FAM227B: variants seen among roughly 807,000 people sequenced by gnomAD.
FAM227B encodes the protein family with sequence similarity 227 member B.
In FAM227B, 88 loss-of-function variants were observed where a neutral mutation model predicts 73.8. The ratio of observed to expected loss-of-function variants is 1.19; its 90% CI spans 1.00 to 1.42. The LOEUF is 1.42. Among genes scored for constraint, FAM227B ranks in the 40% most tolerant of loss-of-function variants. The pLI, the probability that FAM227B is intolerant of heterozygous loss-of-function variation, is 0.00. For synonymous variants in FAM227B, 210 were observed against 190.5 expected, an observed-to-expected ratio of 1.10 and a Z score of -0.84; for missense variants, 632 against 590.9, an observed-to-expected ratio of 1.07 and a Z score of -0.72.
At position 49,508,367 on chromosome 15, in the gene FAM227B, T is replaced by C. The variant is rs1555512865; in HGVS notation, c.875-19A>G. On this transcript the variant is annotated intron_variant, in intron 10 of 15. Coordinates refer to ENST00000299338, the MANE Select transcript of FAM227B (RefSeq NM_152647.3). ...TTTAAACCTGTTAATATAAAATACA[T>C]ATTTAGCCAAATAAATTTGGATTTT... is the stretch of plus-strand genomic sequence containing the variant. 4.6e-6 allele frequency: 7 copies of C among 1,537,594 alleles called. No individual in the cohort carries two copies. The South Asian group carries it at 7.5e-5, about 16-fold the overall frequency.
Position 49,508,321 on chromosome 15 carries a change from A to G in FAM227B, c.902T>C (p.Ile301Thr), listed in dbSNP as rs2152114462. 6.2e-7 allele frequency: 1 copy of G among 1,604,144 alleles called. No individual in the cohort carries two copies. The highest frequency in any genetic ancestry group is 8.5e-7 in the Non-Finnish European group (1 of 1,176,772). Residue 301 changes from isoleucine to threonine, a missense_variant, in exon 11 of 16, where the codon ATC becomes ACC. Transcript: ENST00000299338. ...SGLKPQKGFW[I>T]HWKLKELSTT... ...GGAGAGTTCTTTCAGTTTCCAGTGGATCCAAAAGCCTTTTTGAGGTTTTAA... is the reference window on the plus strand; with the variant it reads ...GGAGAGTTCTTTCAGTTTCCAGTGGGTCCAAAAGCCTTTTTGAGGTTTTAA...
intron 11 of FAM227B, among the ~76,000 whole-genome samples, chr15:49,465,432 G>T (rs1460481754): frequency 1.3e-5 from 2 of 151,682 alleles, no homozygotes; most frequent in African/African-American, 4.8e-5. Context: ...CACCATGCCC[G>T]GCCTACTTCT....
At chr15:49,611,088 C>T in intron 3 of FAM227B, 127 bp downstream of exon 3, 1 of 573,622 alleles carries the variant, frequency 1.7e-6, no homozygotes, top group Non-Finnish European at 3.2e-6. Flanking sequence ...TATTTATATA[C>T]ACACTTTCCT....
At chr15:49,458,204 TC>T (rs1367969029) in intron 11 of FAM227B, among the ~76,000 whole-genome samples, 2 of 151,954 alleles carry the variant, frequency 1.3e-5, no homozygotes, top group East Asian at 3.8e-4. Context: ...TTTGAAGTGG[TC>T]CTCAAGTACC....
intron 10 of FAM227B, among the ~76,000 whole-genome samples, chr15:49,513,286 TA>T (rs2059145241): frequency 6.6e-6 from 1 of 152,202 alleles, no homozygotes; most frequent in Non-Finnish European, 1.5e-5. Context: ...GACTTTCTAA[TA>T]ACCACCATTC....
In FAM227B at chr15:49,508,311, T is replaced by C; in HGVS notation, c.912A>G (p.Lys304=). 1 of 1,608,504 alleles carries C rather than the reference T, an allele frequency of 6.2e-7. No homozygotes were observed. The highest frequency in any genetic ancestry group is 8.5e-7 in the Non-Finnish European group (1 of 1,178,010). The change falls in exon 11 of 16, where the codon AAA becomes AAG. Residue 304 remains lysine (K), a synonymous_variant. Coordinates refer to ENST00000299338, the MANE Select transcript of FAM227B (RefSeq NM_152647.3). ...KPQKGFWIHW[K]LKELSTTTIH... is the part of the protein sequence containing the mutation. ...TGGTGGTTGTGGAGAGTTCTTTCAG[T>C]TTCCAGTGGATCCAAAAGCCTTTTT...
At chr15:49,337,600 T>C (rs1567097089) in intron 13 of FAM227B, among the ~76,000 whole-genome samples, 3 of 145,628 alleles carry the variant, frequency 2.1e-5, no homozygotes, top group African/African-American at 7.6e-5. Context: ...TAGGTATACA[T>C]GTGCCATGGT....
chr15:49,329,025 T>A, intron 15 of FAM227B: 1 of 1,009,002 alleles, frequency 9.9e-7, no homozygotes, highest in Non-Finnish European at 1.2e-6. Flanking sequence ...TCACTCTTTT[T>A]CTACTACTTT....
intron 11 of FAM227B, among the ~76,000 whole-genome samples, chr15:49,416,332 G>T (rs888944456): frequency 2.0e-5 from 3 of 151,982 alleles, no homozygotes; most frequent in African/African-American, 7.2e-5. Flanking sequence ...AAGTAAGATT[G>T]GTTATATGGC....
rs80110211 is a variant in FAM227B, at chr15:49,328,962, T to C, written c.1420-287A>G. The C allele has an allele frequency of 3.7e-3, 4,058 of 1,082,184 alleles. 130 individuals carry two copies. In the African/African-American group the frequency reaches 0.062, roughly 16 times the overall value. 67.0% of individuals were successfully genotyped at this position (1,082,184 alleles called of 1,614,324 possible). A position where few individuals can be genotyped will look rare whatever the true frequency, so the allele number is the denominator to read the frequency against. On this transcript the variant is annotated intron_variant, in intron 15 of 15. Coordinates refer to ENST00000299338, the MANE Select transcript of FAM227B (RefSeq NM_152647.3). ...CTTCTATTCACATTGAAATAAAGAA[T>C]TATCTAGATGATAATTCAGATAATT...
At chr15:49,334,618 C>T (rs560625190) in intron 14 of FAM227B, among the ~76,000 whole-genome samples, 74 of 151,772 alleles carry the variant, frequency 4.9e-4, no homozygotes, top group Non-Finnish European at 9.6e-4. Context: ...CGTACACATG[C>T]GTCTGTGGGT....
chr15:49,340,865 T>G (rs1027908960), intron 13 of FAM227B, among the ~76,000 whole-genome samples: 1 of 152,194 alleles, frequency 6.6e-6, no homozygotes, highest in African/African-American at 2.4e-5. Context: ...TGGTGTTTTC[T>G]AGGTTTTCTT....
Position 49,579,584 on chromosome 15 carries a change from A to C in FAM227B, c.406-1920T>G, listed in dbSNP as rs114002487. Among the ~76,000 whole-genome samples the C allele has an allele frequency of 8.1e-3, 1,238 of 152,288 alleles. 19 individuals carry two copies. Among genetic ancestry groups the C allele is most frequent in the African/African-American group, 0.029 (1,200 of 41,566 alleles). On this transcript the variant is annotated intron_variant, in intron 5 of 15. Coordinates refer to ENST00000299338, the MANE Select transcript of FAM227B (RefSeq NM_152647.3). The stretch of plus-strand genomic sequence containing the variant: ...TCTTACTCATATGTGGGAACTTAAA[A>C]AGTTTATTTCGTGGAGGTATAGAGT...
In FAM227B at chr15:49,576,763, A is replaced by G. The variant is rs2075467899; in HGVS notation, c.524T>C (p.Ile175Thr). 4 of 1,600,640 alleles carry G rather than the reference A, an allele frequency of 2.5e-6. No individual in the cohort carries two copies. In the South Asian group the frequency reaches 4.4e-5, roughly 18 times the overall value. Residue 175 changes from isoleucine to threonine, a missense_variant, in exon 7 of 16, where the codon ATT becomes ACT. Physicochemically the swap from Ile to Thr is moderately conservative, Grantham distance 89. Coordinates refer to ENST00000299338, the MANE Select transcript of FAM227B (RefSeq NM_152647.3). ...TACATCAAAATTATGGGCTTTTAAA[A>G]TAAAAAGATAAATTTGTTCAGCATC... ...HLDAEQIYLFILKAHNFDERV... is the reference protein window; with the variant it reads ...HLDAEQIYLFTLKAHNFDERV...
intron 11 of FAM227B, among the ~76,000 whole-genome samples, chr15:49,446,885 C>T (rs1297235160): frequency 1.3e-5 from 2 of 151,276 alleles, no homozygotes; most frequent in Non-Finnish European, 3.0e-5. Flanking sequence ...GGAGTGCTCA[C>T]TAAAGAGAAG....
chr15:49,525,888 C>T (rs1254514984), intron 10 of FAM227B, among the ~76,000 whole-genome samples: 2 of 150,630 alleles, frequency 1.3e-5, no homozygotes, highest in African/African-American at 4.9e-5. Flanking sequence ...AACAATGGAG[C>T]ACAAAGATTC....
At chr15:49,396,041 A>G (rs754649418) in intron 11 of FAM227B, 19 of 453,682 alleles carry the variant, frequency 4.2e-5, no homozygotes, top group South Asian at 3.0e-4. Context: ...TCCCAGCGTG[A>G]GCGACGCAGA....
chr15:49,487,831 A>C (rs1315503437), intron 11 of FAM227B: 1 of 151,970 alleles, frequency 6.6e-6, no homozygotes, highest in Non-Finnish European at 1.5e-5. Flanking sequence ...TCTGCAATTA[A>C]ACACCAGTAA....
At chr15:49,590,900 G>C (rs548082533) in intron 3 of FAM227B, among the ~76,000 whole-genome samples, 63 of 151,906 alleles carry the variant, frequency 4.1e-4, no homozygotes, top group Non-Finnish European at 7.9e-4. Context: ...CCACTTATAA[G>C]TGAGATCATG....
Sources: gnomAD v4.1 joint callset for allele counts (sites outside exome capture counted in the v4.1 genomes callset) on GRCh38, gnomAD v4.1.1 for gene constraint, MANE v1.5 for transcripts, NCBI Gene and HGNC (gene_info 2026-07-23, HGNC 2026-07-21) for gene names.